The following CDC42EP3 variants were observed in gnomAD, a reference collection of about 807,000 sequenced individuals.
CDC42EP3 encodes the protein CDC42 effector protein 3.
CDC42EP3 carries 4 observed loss-of-function variants against 15.5 expected under a neutral mutation model. The observed-to-expected ratio is 0.26, with a 90% CI of 0.13 to 0.59. CDC42EP3 has a LOEUF of 0.59. Ranked by LOEUF, CDC42EP3 falls within the 20% of genes least tolerant of loss-of-function variation. CDC42EP3 has a pLI of 0.89. For missense variants in CDC42EP3, 309 were observed against 311.2 expected, an observed-to-expected ratio of 0.99 and a Z score of 0.05; for synonymous variants, 145 against 130.3, an observed-to-expected ratio of 1.11 and a Z score of -0.77.
chr2:37,665,063 T>C (rs1666208896), intron 1 of CDC42EP3, among the ~76,000 whole-genome samples: 1 of 151,936 alleles, frequency 6.6e-6, no homozygotes, highest in African/African-American at 2.4e-5. Flanking sequence ...GACCTAAAAG[T>C]TAGGCCTATT....
Position 37,670,024 on chromosome 2 carries a change from T to G in CDC42EP3, c.-236+1402A>C, listed in dbSNP as rs186880297. 1.7e-3 allele frequency among the ~76,000 whole-genome samples: 265 copies of G among 152,096 alleles called. 2 individuals carry two copies. Among genetic ancestry groups the G allele is most frequent in the African/African-American group, 4.7e-3 (196 of 41,474 alleles). ...ACAAATTGCAGGGGGTATGAAAGAG[T>G]AGACTTCTGGAACTGTCCAGAAAAG... On this transcript the variant is annotated intron_variant, in intron 1 of 1. Transcript: ENST00000295324.
At chr2:37,666,406 C>T (rs980890512) in intron 1 of CDC42EP3, among the ~76,000 whole-genome samples, 5 of 152,182 alleles carry the variant, frequency 3.3e-5, no homozygotes, top group African/African-American at 4.8e-5. Context: ...ACACTTTAGG[C>T]GGTACCCTGT....
At chr2:37,660,274 G>A (rs1253876351) in intron 1 of CDC42EP3, among the ~76,000 whole-genome samples, 1 of 152,090 alleles carries the variant, frequency 6.6e-6, no homozygotes, top group African/African-American at 2.4e-5. Flanking sequence ...GGTTCCTATT[G>A]ATCCTGTGGA....
intron 1 of CDC42EP3, among the ~76,000 whole-genome samples, chr2:37,656,904 C>T (rs111739677): frequency 1.3e-5 from 2 of 149,110 alleles, no homozygotes; most frequent in African/African-American, 2.5e-5. Context: ...AGTATTTTTG[C>T]TATTGTCAAC....
At chr2:37,654,476 T>C (rs961353921) in intron 1 of CDC42EP3, among the ~76,000 whole-genome samples, 1 of 151,884 alleles carries the variant, frequency 6.6e-6, no homozygotes, top group Non-Finnish European at 1.5e-5. Context: ...AAGCAGAAAC[T>C]ACAAGGAAAG....
chr2:37,656,229 A>G (rs1177358156), intron 1 of CDC42EP3, among the ~76,000 whole-genome samples: 3 of 152,196 alleles, frequency 2.0e-5, no homozygotes, highest in African/African-American at 7.2e-5. Context: ...ATCTACTTCC[A>G]CTACCAACAT....
intron 1 of CDC42EP3, among the ~76,000 whole-genome samples, chr2:37,670,761 A>G (rs1666388230): frequency 6.9e-6 from 1 of 145,792 alleles, no homozygotes; most frequent in Admixed American, 7.0e-5. Context: ...CCCAAAGTCG[A>G]GAGAGGGATA....
intron 1 of CDC42EP3, among the ~76,000 whole-genome samples, chr2:37,665,414 G>C (rs897007153): frequency 6.6e-6 from 1 of 151,996 alleles, no homozygotes; most frequent in Non-Finnish European, 1.5e-5. Flanking sequence ...CTCATCTCCC[G>C]CTGTGTTAAA....
At chr2:37,661,025 C>T (rs1252645033) in intron 1 of CDC42EP3, among the ~76,000 whole-genome samples, 1 of 151,924 alleles carries the variant, frequency 6.6e-6, no homozygotes, top group Non-Finnish European at 1.5e-5. Flanking sequence ...GATCATGAAA[C>T]CATTTATGAA....
chr2:37,672,816 A>C (rs1030951178), upstream of CDC42EP3, among the ~76,000 whole-genome samples: 10 of 151,638 alleles, frequency 6.6e-5, no homozygotes, highest in South Asian at 2.1e-4. Flanking sequence ...AACGCGGAGA[A>C]CCTCCCGGAT....
intron 1 of CDC42EP3, among the ~76,000 whole-genome samples, chr2:37,660,457 A>G (rs1027128432): frequency 2.6e-5 from 4 of 152,200 alleles, no homozygotes; most frequent in Non-Finnish European, 5.9e-5. Context: ...GAGTTGGGAA[A>G]ATTACAACAA....
intron 1 of CDC42EP3, among the ~76,000 whole-genome samples, chr2:37,656,941 T>C (rs912114287): frequency 6.8e-6 from 1 of 146,906 alleles, no homozygotes; most frequent in Non-Finnish European, 1.5e-5. Flanking sequence ...ATTTGACTTG[T>C]GGTAAACGTC....
chr2:37,657,185 A>T (rs1310929547), intron 1 of CDC42EP3, among the ~76,000 whole-genome samples: 2 of 151,798 alleles, frequency 1.3e-5, no homozygotes, highest in South Asian at 2.1e-4. Context: ...GAAACTAAGA[A>T]CCTTGTGTTC....
intron 1 of CDC42EP3, among the ~76,000 whole-genome samples, chr2:37,665,176 A>G (rs1405145268): frequency 6.6e-6 from 1 of 152,156 alleles, no homozygotes; most frequent in African/African-American, 2.4e-5. Flanking sequence ...ACAATAGGAG[A>G]AGATACAAGA....
At position 37,646,043 on chromosome 2, in the gene CDC42EP3, C is replaced by T. The variant is rs773741152; in HGVS notation, c.545G>A (p.Ser182Asn). 6.2e-7 allele frequency: 1 copy of T among 1,613,894 alleles called. No homozygotes were observed. Among genetic ancestry groups the T allele is most frequent in the Non-Finnish European group, 8.5e-7 (1 of 1,179,940 alleles). Residue 182 changes from serine to asparagine, a missense_variant, in exon 2 of 2, where the codon AGC (serine) becomes AAC (asparagine). Transcript: ENST00000295324. ...WGSSGSASQS[S>N]QGRDSHSSSL... is the part of the protein sequence containing the mutation. ...GGAGGAGTGGCTGTCTCTGCCTTGG[C>T]TGGACTGAGATGCAGAACCGCTGGA... is the stretch of plus-strand genomic sequence containing the variant.
At chr2:37,660,129 A>G (rs1428907818) in intron 1 of CDC42EP3, among the ~76,000 whole-genome samples, 1 of 152,240 alleles carries the variant, frequency 6.6e-6, no homozygotes, top group East Asian at 1.9e-4. Flanking sequence ...CTTTTCCCCA[A>G]ATGAGACCAG....
intron 1 of CDC42EP3, among the ~76,000 whole-genome samples, chr2:37,653,495 T>A (rs1489372096): frequency 6.6e-6 from 1 of 152,182 alleles, no homozygotes; most frequent in Non-Finnish European, 1.5e-5. Context: ...CTTTGCTTCA[T>A]TTCTTACCAT....
intron 1 of CDC42EP3, among the ~76,000 whole-genome samples, chr2:37,670,608 G>T (rs1421012020): frequency 6.6e-6 from 1 of 151,118 alleles, no homozygotes; most frequent in East Asian, 1.9e-4. Flanking sequence ...CACGCAGCTT[G>T]TCCCAGCCAC....
chr2:37,643,680 A>C lies in CDC42EP3; in HGVS notation c.*2143T>G, dbSNP rs1276865518. On this transcript the variant is annotated 3_prime_UTR_variant, in exon 2 of 2. Transcript: ENST00000295324. ...TAAAATGAAAGACTGAATATGATCA[A>C]TACTAATTAAAATGGGGGGGAGGTA... The C allele has an allele frequency of 3.3e-5, 5 of 152,222 alleles. No individual in the cohort carries two copies. Among genetic ancestry groups the C allele is most frequent in the South Asian group, 4.1e-4 (2 of 4,834 alleles). 9.4% of individuals were successfully genotyped at this position (152,222 alleles called of 1,614,324 possible).
Sources: gnomAD v4.1 joint callset for allele counts (sites outside exome capture counted in the v4.1 genomes callset) on GRCh38, gnomAD v4.1.1 for gene constraint, MANE v1.5 for transcripts, NCBI Gene and HGNC (gene_info 2026-07-23, HGNC 2026-07-21) for gene names.